The following SNX29 variants were observed in gnomAD, a reference collection of about 807,000 sequenced individuals.
The protein encoded by SNX29 is sorting nexin-29.
SNX29 carries 78 observed loss-of-function variants against 102.1 expected under a neutral mutation model. That is an observed-to-expected ratio of 0.76 (90% confidence interval 0.64 to 0.92). The LOEUF (loss-of-function observed/expected upper bound fraction) is 0.92. SNX29 is among the 40% of genes least tolerant of loss of function. SNX29 has a pLI of 0.00. For synonymous variants in SNX29, 580 were observed against 414.5 expected, an observed-to-expected ratio of 1.40 and a Z score of -4.85; for missense variants, 1,280 against 1,061.7, an observed-to-expected ratio of 1.21 and a Z score of -2.86.
At chr16:12,238,044 G>A (rs947578753) in intron 14 of SNX29, among the ~76,000 whole-genome samples, 2 of 152,224 alleles carry the variant, frequency 1.3e-5, no homozygotes, top group Non-Finnish European at 2.9e-5. Flanking sequence ...GGGTGTGGGG[G>A]TTGAGGTTGG....
chr16:12,227,489 C>T (rs1195140656), intron 14 of SNX29, among the ~76,000 whole-genome samples: 3 of 152,200 alleles, frequency 2.0e-5, no homozygotes, highest in African/African-American at 7.2e-5. Flanking sequence ...ATGACCAACT[C>T]AATTCTGTCA....
rs528443130 is a variant in SNX29 at position 12,261,272 on chromosome 16, T to A, written c.1679-16661T>A. ...TGCGCACCCCCGGGTGAAGTGAGTG[T>A]TTGCTGAGCTCGGGTCTGTGCGCGC... On this transcript the variant is annotated intron_variant, in intron 14 of 20. Transcript: ENST00000566228. Among the ~76,000 whole-genome samples the A allele has an allele frequency of 4.2e-4, 59 of 140,802 alleles. 4 individuals carry two copies. The highest frequency in any genetic ancestry group is 1.4e-4 in the Admixed American group (2 of 13,892). The allele number at this position is 140,802 out of a possible 152,430, so 92.4% of individuals were successfully genotyped here.
At chr16:12,418,335 A>T (rs922810714) in intron 18 of SNX29, among the ~76,000 whole-genome samples, 3 of 152,016 alleles carry the variant, frequency 2.0e-5, no homozygotes, top group Admixed American at 6.6e-5. Flanking sequence ...CACACATCAG[A>T]TGTAGGATGT....
intron 20 of SNX29, among the ~76,000 whole-genome samples, chr16:12,554,826 T>TGC (rs1159911240): frequency 1.3e-5 from 2 of 152,208 alleles, no homozygotes; most frequent in Non-Finnish European, 2.9e-5. Context: ...ACCTGCTCTG[T>TGC]GCCATTCTTT....
chr16:12,317,459 C>T (rs1028606759), intron 15 of SNX29, among the ~76,000 whole-genome samples: 2 of 152,146 alleles, frequency 1.3e-5, no homozygotes, highest in African/African-American at 4.8e-5. Flanking sequence ...AGCTGGGCCC[C>T]ACATCCTAGG....
At chr16:12,191,561 G>T (rs1019920827) in intron 13 of SNX29, among the ~76,000 whole-genome samples, 5 of 152,296 alleles carry the variant, frequency 3.3e-5, no homozygotes, top group Non-Finnish European at 7.3e-5. Context: ...AGGGTGTGAG[G>T]GCAAAAGTGT....
At chr16:12,500,652 C>T (rs1048381748) in intron 19 of SNX29, among the ~76,000 whole-genome samples, 6 of 152,218 alleles carry the variant, frequency 3.9e-5, no homozygotes, top group Non-Finnish European at 5.9e-5. Flanking sequence ...TTCTCAATAT[C>T]TTACCACTTA....
chr16:12,519,265 T>C (rs965876275), intron 19 of SNX29, among the ~76,000 whole-genome samples: 13 of 152,148 alleles, frequency 8.5e-5, no homozygotes, highest in African/African-American at 2.7e-4. Context: ...GTGAAAATGG[T>C]GGCACCATGT....
chr16:12,546,370 A>G (rs1010278872), intron 20 of SNX29: 1 of 151,920 alleles, frequency 6.6e-6, no homozygotes, highest in African/African-American at 2.4e-5. Flanking sequence ...GGGAGGCCTC[A>G]CAATCACCGT....
chr16:12,440,066 A>G (rs956457788), intron 18 of SNX29, among the ~76,000 whole-genome samples: 1 of 152,100 alleles, frequency 6.6e-6, no homozygotes, highest in East Asian at 1.9e-4. Flanking sequence ...TGGGAATGTC[A>G]CCCACCCCAC....
At chr16:12,101,301 C>CTTTTTTTT (rs1212782573) in intron 11 of SNX29, among the ~76,000 whole-genome samples, 4,384 of 118,422 alleles carry the variant, frequency 0.037, 446 homozygotes, top group African/African-American at 0.13. Context: ...CCCCCCCCAA[C>CTTTTTTTT]TTTTTTTTTT....
At chr16:11,999,475 G>A (rs2056208337) in intron 2 of SNX29, 117 bp downstream of exon 2, 1 of 982,276 alleles carries the variant, frequency 1.0e-6, no homozygotes, top group African/African-American at 1.6e-5. Flanking sequence ...CCTGGGAACA[G>A]TGAAGTGATC....
intron 11 of SNX29, among the ~76,000 whole-genome samples, chr16:12,104,059 G>C (rs888502617): frequency 6.6e-6 from 1 of 152,200 alleles, no homozygotes; most frequent in African/African-American, 2.4e-5. Context: ...CTGCATTCCA[G>C]ATGAGGCAGC....
intron 15 of SNX29, among the ~76,000 whole-genome samples, chr16:12,338,273 C>G (rs1020290328): frequency 6.6e-6 from 1 of 152,118 alleles, no homozygotes; most frequent in Admixed American, 6.5e-5. Flanking sequence ...AGTGTGGAGG[C>G]AACTCATGAG....
chr16:12,542,987 A>G (rs946919435), intron 20 of SNX29, among the ~76,000 whole-genome samples: 1 of 151,994 alleles, frequency 6.6e-6, no homozygotes, highest in African/African-American at 2.4e-5. Flanking sequence ...TCCTGTAACT[A>G]TGAAGTCCAG....
intron 13 of SNX29, among the ~76,000 whole-genome samples, chr16:12,154,606 G>A (rs955620685): frequency 6.6e-6 from 1 of 152,204 alleles, no homozygotes; most frequent in Non-Finnish European, 1.5e-5. Context: ...CACAGCAGGT[G>A]ACCGGCAGGT....
At chr16:12,565,787 G>C (rs1002526687) in intron 20 of SNX29, among the ~76,000 whole-genome samples, 3 of 152,048 alleles carry the variant, frequency 2.0e-5, no homozygotes, top group Non-Finnish European at 4.4e-5. Flanking sequence ...CACATCTAGA[G>C]GGCCCTTTAC....
In SNX29 at chr16:12,572,154, C is replaced by A. The variant is rs991726581; in HGVS notation, c.*3525C>A. ...TTCATACTTTGGAGCTTATTAAGATCAATTTTGATAACCATGTAATTTCTT... is the reference window on the plus strand; with the variant it reads ...TTCATACTTTGGAGCTTATTAAGATAAATTTTGATAACCATGTAATTTCTT... On this transcript the variant is annotated 3_prime_UTR_variant, in exon 21 of 21. Coordinates refer to ENST00000566228, the MANE Select transcript of SNX29 (RefSeq NM_032167.5). The A allele has an allele frequency of 1.0e-6, 1 of 986,284 alleles. No homozygotes were observed. The highest frequency in any genetic ancestry group is 1.2e-6 in the Non-Finnish European group (1 of 807,908). 61.1% of individuals were successfully genotyped at this position (986,284 alleles called of 1,614,324 possible).
intron 1 of SNX29, among the ~76,000 whole-genome samples, chr16:11,980,083 G>C (rs2150958032): frequency 6.6e-6 from 1 of 152,094 alleles, no homozygotes; most frequent in South Asian, 2.1e-4. Context: ...GGTATTTTCA[G>C]AGCCGTGTAA....
Sources: gnomAD v4.1 joint callset for allele counts (sites outside exome capture counted in the v4.1 genomes callset) on GRCh38, gnomAD v4.1.1 for gene constraint, MANE v1.5 for transcripts, NCBI Gene and HGNC (gene_info 2026-07-23, HGNC 2026-07-21) for gene names.